NRXN1: variants seen among roughly 807,000 people sequenced by gnomAD.
NRXN1 encodes neurexin 1.
Under a neutral mutation model 150.9 loss-of-function variants are expected in NRXN1, and 39 were observed. That is an observed-to-expected ratio of 0.26 (90% CI 0.20 to 0.34). NRXN1 has a LOEUF of 0.34. Among genes scored for constraint, NRXN1 ranks in the 10% least tolerant of loss-of-function variants. The pLI, the probability that NRXN1 is intolerant of heterozygous loss-of-function variation, is 1.00. For missense variants in NRXN1, 1,815 were observed against 1,949.9 expected (o/e 0.93, Z 1.30); for synonymous variants, 924 against 757.0 (o/e 1.22, Z -3.62).
chr2:50,167,409 G>A (rs866721135), intron 18 of NRXN1, among the ~76,000 whole-genome samples: 8 of 151,832 alleles, frequency 5.3e-5, no homozygotes, highest in East Asian at 1.9e-4. Context: ...CCTCCCCCCC[G>A]CCTGTTAATT....
chr2:49,995,314 C>A (rs910481788), intron 21 of NRXN1, among the ~76,000 whole-genome samples: 17 of 152,114 alleles, frequency 1.1e-4, no homozygotes, highest in Non-Finnish European at 2.1e-4. Context: ...AACTGAATTT[C>A]TACATTTTAA....
At chr2:50,477,674 A>AT (rs982724048) in intron 15 of NRXN1, among the ~76,000 whole-genome samples, 2 of 152,288 alleles carry the variant, frequency 1.3e-5, no homozygotes. Flanking sequence ...TTTCATTTTA[A>AT]TTTTTTTAAA....
intron 17 of NRXN1, among the ~76,000 whole-genome samples, chr2:50,278,005 A>G (rs2070781322): frequency 6.6e-6 from 1 of 150,446 alleles, no homozygotes. Flanking sequence ...AAAACATCCA[A>G]CAATATTGGC....
intron 5 of NRXN1, among the ~76,000 whole-genome samples, chr2:50,745,403 CT>C (rs1412409246): frequency 1.3e-5 from 2 of 149,016 alleles, no homozygotes; most frequent in Non-Finnish European, 3.0e-5. Flanking sequence ...CTCCCTTCCC[CT>C]CCCCTCCCCT....
intron 5 of NRXN1, among the ~76,000 whole-genome samples, chr2:50,916,123 T>C (rs978331667): frequency 6.7e-6 from 1 of 149,418 alleles, no homozygotes. Context: ...GATGAAACTC[T>C]GTTTCATGAT....
intron 12 of NRXN1, among the ~76,000 whole-genome samples, chr2:50,518,943 GTTTA>G (rs1044055135): frequency 6.6e-6 from 1 of 151,688 alleles, no homozygotes; most frequent in African/African-American, 2.4e-5. Flanking sequence ...CCTTTATTAA[GTTTA>G]TTTATTTTTT....
At chr2:50,680,374 T>C (rs1038802391) in intron 5 of NRXN1, among the ~76,000 whole-genome samples, 5 of 152,120 alleles carry the variant, frequency 3.3e-5, no homozygotes, top group Admixed American at 3.3e-4. Context: ...TGAGTTCTTA[T>C]GTGACTTAGC....
At chr2:50,172,361 A>C (rs2060082999) in intron 18 of NRXN1, among the ~76,000 whole-genome samples, 1 of 152,152 alleles carries the variant, frequency 6.6e-6, no homozygotes, top group Non-Finnish European at 1.5e-5. Flanking sequence ...AACAACAAAA[A>C]AGACACAGGG....
At chr2:50,211,009 G>A (rs1445628056) in intron 18 of NRXN1, among the ~76,000 whole-genome samples, 1 of 151,572 alleles carries the variant, frequency 6.6e-6, no homozygotes, top group African/African-American at 2.4e-5. Context: ...TATAAGTTAA[G>A]TTCTATTAAA....
At chr2:50,775,343 T>C (rs3931704) in intron 5 of NRXN1, among the ~76,000 whole-genome samples, 156 of 152,278 alleles carry the variant, frequency 1.0e-3, no homozygotes, top group Middle Eastern at 6.8e-3. Context: ...TTCTGTGCCA[T>C]TCTAACAATT....
intron 12 of NRXN1, among the ~76,000 whole-genome samples, chr2:50,512,322 A>C (rs749967550): frequency 6.6e-6 from 1 of 152,212 alleles, no homozygotes; most frequent in Non-Finnish European, 1.5e-5. Context: ...AAGTGAAGCC[A>C]GAGGACAATA....
At chr2:50,040,629 TA>T (rs1690790937) in intron 21 of NRXN1, among the ~76,000 whole-genome samples, 1 of 152,084 alleles carries the variant, frequency 6.6e-6, no homozygotes, top group African/African-American at 2.4e-5. Context: ...GTTGCTTTTT[TA>T]TATACCATCT....
chr2:50,263,720 A>C (rs2068549217), intron 17 of NRXN1, among the ~76,000 whole-genome samples: 1 of 152,146 alleles, frequency 6.6e-6, no homozygotes. Context: ...AAGAAATCAG[A>C]GTATGCATCC....
chr2:50,670,873 G>A (rs551173740), intron 5 of NRXN1, among the ~76,000 whole-genome samples: 1 of 151,964 alleles, frequency 6.6e-6, no homozygotes, highest in African/African-American at 2.4e-5. Flanking sequence ...GATGTCTGGA[G>A]GTAAATGATA....
intron 5 of NRXN1, among the ~76,000 whole-genome samples, chr2:50,667,145 T>G (rs1440559577): frequency 2.0e-5 from 3 of 151,504 alleles, no homozygotes; most frequent in African/African-American, 7.3e-5. Flanking sequence ...ATTTATAAAT[T>G]GAAATATAAA....
intron 5 of NRXN1, chr2:50,632,650 T>C (rs956322540): frequency 6.6e-6 from 1 of 152,034 alleles, no homozygotes; most frequent in African/African-American, 2.4e-5. Flanking sequence ...AGTGCTGCAA[T>C]TTAGAACATC....
At chr2:50,178,021 TC>T (rs2060460219) in intron 18 of NRXN1, among the ~76,000 whole-genome samples, 1 of 152,082 alleles carries the variant, frequency 6.6e-6, no homozygotes, top group South Asian at 2.1e-4. Context: ...CCTCAGTTTC[TC>T]ATATGTAAAA....
chr2:50,890,798 T>C (rs1230533477), intron 5 of NRXN1, among the ~76,000 whole-genome samples: 2 of 151,976 alleles, frequency 1.3e-5, no homozygotes, highest in African/African-American at 4.8e-5. Flanking sequence ...CATTCTGAAC[T>C]GAGATAACGA....
At chr2:50,643,100 A>G (rs142408211) in intron 5 of NRXN1, among the ~76,000 whole-genome samples, 121 of 152,104 alleles carry the variant, frequency 8.0e-4, no homozygotes, top group African/African-American at 2.7e-3. Context: ...TGTAAATGCC[A>G]ATTTTTCTTT....
Sources: gnomAD v4.1 joint callset for allele counts (sites outside exome capture counted in the v4.1 genomes callset) on GRCh38, gnomAD v4.1.1 for gene constraint, MANE v1.5 for transcripts, NCBI Gene and HGNC (gene_info 2026-07-23, HGNC 2026-07-21) for gene names.